The following DNAH11 variants were observed in gnomAD, a reference collection of about 807,000 sequenced individuals.
DNAH11 encodes the protein axonemal beta dynein heavy chain 11.
DNAH11 carries 442 observed loss-of-function variants against 526.0 expected under a neutral mutation model. The observed-to-expected ratio is 0.84, with a 90% CI of 0.78 to 0.91. The LOEUF is 0.91. DNAH11 is among the 40% of genes least tolerant of loss of function. The pLI, the probability that DNAH11 is intolerant of heterozygous loss-of-function variation, is 0.00. For synonymous variants in DNAH11, 2,461 were observed against 1,935.9 expected (o/e 1.27, Z -7.12); for missense variants, 6,989 against 5,448.7 (o/e 1.28, Z -8.90).
intron 72 of DNAH11, 55 bp downstream of exon 72, chr7:21,868,062 C>T: frequency 1.5e-6 from 2 of 1,366,960 alleles, no homozygotes; most frequent in Non-Finnish European, 1.9e-6. Context: ...CCCTTTCACC[C>T]CCACCCCTGC....
At chr7:21,860,320 G>T (rs555330320) in intron 68 of DNAH11, among the ~76,000 whole-genome samples, 4 of 151,932 alleles carry the variant, frequency 2.6e-5, no homozygotes, top group South Asian at 4.2e-4. Flanking sequence ...TGGTAATGAC[G>T]TGGAGAAATT....
chr7:21,901,388 T>TA lies in DNAH11; in HGVS notation c.*135dup. The TA allele has an allele frequency of 7.9e-7, 1 of 1,272,226 alleles. No homozygotes were observed. Among genetic ancestry groups the TA allele is most frequent in the Non-Finnish European group, 1.0e-6 (1 of 982,136 alleles). 78.8% of individuals were successfully genotyped at this position (1,272,226 alleles called of 1,614,324 possible). A position where few individuals can be genotyped will look rare whatever the true frequency, so the allele number is the denominator to read the frequency against. On this transcript the variant is annotated 3_prime_UTR_variant, in exon 82 of 82. Transcript: ENST00000409508. ...TGCATTCTTTTTTCAACGCTATCCT[T>TA]AGAGTGAAAGTCAGAAAAAAATACT... is the stretch of plus-strand genomic sequence containing the variant.
chr7:21,841,852 A>G (rs922411559), intron 65 of DNAH11, among the ~76,000 whole-genome samples: 7 of 152,198 alleles, frequency 4.6e-5, no homozygotes, highest in African/African-American at 1.7e-4. Flanking sequence ...AGCCTGCCAG[A>G]TCTGTCATTG....
At chr7:21,556,193 T>G (rs144850192) in intron 2 of DNAH11, among the ~76,000 whole-genome samples, 1 of 152,184 alleles carries the variant, frequency 6.6e-6, no homozygotes, top group Non-Finnish European at 1.5e-5. Context: ...AGTGAAACTT[T>G]CCTCCCTTTT....
intron 30 of DNAH11, among the ~76,000 whole-genome samples, chr7:21,675,670 C>T (rs908772123): frequency 5.9e-5 from 9 of 152,090 alleles, no homozygotes; most frequent in African/African-American, 2.2e-4. Context: ...TTCGTTTGTT[C>T]ATTTCTTCAT....
At chr7:21,899,253 C>A in intron 79 of DNAH11, 83 bp from the exon 80 acceptor site, 1 of 1,088,094 alleles carries the variant, frequency 9.2e-7, no homozygotes, top group Non-Finnish European at 1.4e-6. Flanking sequence ...CACCACCCTG[C>A]CCTAACCGCC....
At chr7:21,640,752 C>G (rs998905170) in intron 28 of DNAH11, among the ~76,000 whole-genome samples, 6 of 152,066 alleles carry the variant, frequency 3.9e-5, no homozygotes, top group Admixed American at 1.3e-4. Context: ...CCAAAAGCAA[C>G]TCAGCATATT....
intron 27 of DNAH11, 103 bp from the exon 28 acceptor site, chr7:21,638,836 G>C (rs1424949541): frequency 1.5e-5 from 21 of 1,374,026 alleles, no homozygotes; most frequent in Non-Finnish European, 1.9e-5. Context: ...TAAACAGTGA[G>C]TTTACTATAA....
intron 32 of DNAH11, among the ~76,000 whole-genome samples, chr7:21,684,697 C>A (rs1783297249): frequency 6.6e-6 from 1 of 152,148 alleles, no homozygotes; most frequent in Non-Finnish European, 1.5e-5. Flanking sequence ...GAAAGAAAGC[C>A]AGTGTGGCTC....
intron 28 of DNAH11, among the ~76,000 whole-genome samples, chr7:21,654,638 T>C (rs907875935): frequency 6.6e-6 from 1 of 152,188 alleles, no homozygotes; most frequent in African/African-American, 2.4e-5. Flanking sequence ...AATTCTATGT[T>C]TAAGTTTTTG....
At chr7:21,786,528 T>C in intron 58 of DNAH11, 96 bp from the exon 59 acceptor site, 2 of 1,421,788 alleles carry the variant, frequency 1.4e-6, no homozygotes, top group African/African-American at 1.4e-5. Context: ...TAAGGAGAAG[T>C]GGGAGTCCAC....
At chr7:21,817,634 A>G (rs747954233) in intron 64 of DNAH11, among the ~76,000 whole-genome samples, 1 of 151,712 alleles carries the variant, frequency 6.6e-6, no homozygotes, top group Admixed American at 6.6e-5. Flanking sequence ...TTGAGGCTAC[A>G]TTGAATCATA....
At chr7:21,580,472 C>G (rs761071782) in intron 8 of DNAH11, among the ~76,000 whole-genome samples, 4 of 152,176 alleles carry the variant, frequency 2.6e-5, no homozygotes, top group Non-Finnish European at 5.9e-5. Flanking sequence ...GTGTGAAATT[C>G]AGCATAAGGT....
chr7:21,795,169 A>AT (rs1234635937), intron 61 of DNAH11, among the ~76,000 whole-genome samples: 5 of 151,922 alleles, frequency 3.3e-5, no homozygotes, highest in South Asian at 2.1e-4. Flanking sequence ...GTAAAGGTTA[A>AT]TTTTTTTTAC....
At chr7:21,796,636 A>G (rs554938347) in intron 61 of DNAH11, among the ~76,000 whole-genome samples, 1 of 152,322 alleles carries the variant, frequency 6.6e-6, no homozygotes, top group South Asian at 2.1e-4. Flanking sequence ...CCTGGAACAA[A>G]TAGTAAAGAG....
Position 21,901,312 on chromosome 7 carries a change from T to TTGCTGCACTGTTCCCA in DNAH11, c.*62_*77dup. 6.7e-7 allele frequency: 1 copy of TTGCTGCACTGTTCCCA among 1,482,864 alleles called. No individual in the cohort carries two copies. The highest frequency in any genetic ancestry group is 2.1e-5 in the Admixed American group (1 of 47,918). 91.9% of individuals were successfully genotyped at this position (1,482,864 alleles called of 1,614,324 possible). On this transcript the variant is annotated 3_prime_UTR_variant, in exon 82 of 82. Transcript: ENST00000409508. ...AGTGCAGTGAGGATTTTCTAGCATG[T>TTGCTGCACTGTTCCCA]TGCTGCACTGTTCCCATGCACATTA...
intron 51 of DNAH11, among the ~76,000 whole-genome samples, chr7:21,746,653 G>A (rs1369061876): frequency 6.6e-6 from 1 of 152,094 alleles, no homozygotes; most frequent in African/African-American, 2.4e-5. Context: ...ATAAGATGTG[G>A]AGAATTCAGT....
At chr7:21,786,849 G>A in intron 59 of DNAH11, 82 bp downstream of exon 59, 1 of 1,539,068 alleles carries the variant, frequency 6.5e-7, no homozygotes, top group Non-Finnish European at 8.8e-7. Flanking sequence ...AATAGCAAAA[G>A]ATGTTTAAGT....
chr7:21,663,651 T>G (rs954357536), intron 30 of DNAH11, among the ~76,000 whole-genome samples: 34 of 152,134 alleles, frequency 2.2e-4, no homozygotes, highest in Non-Finnish European at 5.9e-5. Flanking sequence ...AGTTTGACAT[T>G]TTTATATTCC....
Sources: allele counts gnomAD v4.1 joint callset (sites outside exome capture counted in the v4.1 genomes callset), GRCh38; gene constraint gnomAD v4.1.1; transcripts MANE v1.5; gene names NCBI Gene and HGNC (gene_info 2026-07-23, HGNC 2026-07-21).